Variants in BLOC1S5 observed in about 807,000 individuals in gnomAD.
BLOC1S5 encodes biogenesis of lysosome-related organelles complex 1 subunit 5.
Under a neutral mutation model 24.3 loss-of-function variants are expected in BLOC1S5, and 27 were observed. The ratio of observed to expected loss-of-function variants is 1.11; its 90% CI spans 0.82 to 1.53. The LOEUF (loss-of-function observed/expected upper bound fraction) is 1.53, where lower values mean the gene tolerates loss of function less well. BLOC1S5 is among the 40% of genes most tolerant of loss of function. The pLI, the probability that BLOC1S5 is intolerant of heterozygous loss-of-function variation, is 0.00. For missense variants in BLOC1S5, 239 were observed against 229.4 expected (o/e 1.04, Z -0.27); for synonymous variants, 84 against 74.5 (o/e 1.13, Z -0.66).
intron 2 of BLOC1S5, among the ~76,000 whole-genome samples, chr6:8,050,654 G>C (rs2113587087): frequency 6.6e-6 from 1 of 151,046 alleles, no homozygotes. Flanking sequence ...CCAGGATGGA[G>C]TGCGGCGGTG....
chr6:8,032,469 A>G (rs1402661589), intron 3 of BLOC1S5, among the ~76,000 whole-genome samples: 1 of 152,170 alleles, frequency 6.6e-6, no homozygotes, highest in East Asian at 1.9e-4. Flanking sequence ...AATTGATGGA[A>G]TGTATCTCAA....
intron 4 of BLOC1S5, among the ~76,000 whole-genome samples, chr6:8,024,717 TAAAC>T (rs891054889): frequency 1.2e-4 from 18 of 152,092 alleles, no homozygotes; most frequent in African/African-American, 1.9e-4. Flanking sequence ...GCTCGCATCT[TAAAC>T]AAACAGTGAG....
At chr6:8,021,810 C>T (rs924622971) in intron 4 of BLOC1S5, among the ~76,000 whole-genome samples, 2 of 152,100 alleles carry the variant, frequency 1.3e-5, no homozygotes, top group African/African-American at 4.8e-5. Flanking sequence ...ATCAATTGCA[C>T]TCTTCAAGAT....
At chr6:8,040,593 C>T (rs1454189582) in intron 3 of BLOC1S5, among the ~76,000 whole-genome samples, 1 of 152,226 alleles carries the variant, frequency 6.6e-6, no homozygotes, top group Non-Finnish European at 1.5e-5. Context: ...GGCACAGTGG[C>T]TCACGCCTGT....
chr6:8,020,570 G>A (rs1433332289), intron 4 of BLOC1S5, among the ~76,000 whole-genome samples: 1 of 152,178 alleles, frequency 6.6e-6, no homozygotes, highest in Non-Finnish European at 1.5e-5. Context: ...AAGGGACTAT[G>A]TCACTCAACT....
chr6:8,044,218 G>C (rs933385335), intron 2 of BLOC1S5, among the ~76,000 whole-genome samples: 1 of 149,878 alleles, frequency 6.7e-6, no homozygotes, highest in African/African-American at 2.5e-5. Context: ...TGGGAGGTGG[G>C]GGTTACAGTG....
chr6:8,032,639 C>A (rs143027119), intron 3 of BLOC1S5, among the ~76,000 whole-genome samples: 2 of 151,952 alleles, frequency 1.3e-5, no homozygotes, highest in Admixed American at 6.6e-5. Context: ...CAATCAGGCA[C>A]GAGAAAGAAA....
intron 2 of BLOC1S5, among the ~76,000 whole-genome samples, chr6:8,048,745 G>A (rs1763991474): frequency 1.3e-5 from 2 of 152,320 alleles, no homozygotes; most frequent in African/African-American, 4.8e-5. Context: ...GGGCACGGTG[G>A]CTCACGCCTG....
chr6:8,053,701 C>A (rs1050481618), intron 2 of BLOC1S5, among the ~76,000 whole-genome samples: 2 of 152,068 alleles, frequency 1.3e-5, no homozygotes, highest in African/African-American at 4.8e-5. Flanking sequence ...CTGAAATATA[C>A]CAATATATTG....
At chr6:8,049,185 A>G (rs189992468) in intron 2 of BLOC1S5, among the ~76,000 whole-genome samples, 3,710 of 152,080 alleles carry the variant, frequency 0.024, 156 homozygotes, top group African/African-American at 0.083. Context: ...AGCCTGGCCA[A>G]CATGGTGAAA....
intron 3 of BLOC1S5, among the ~76,000 whole-genome samples, chr6:8,037,566 A>G (rs912324386): frequency 4.6e-5 from 7 of 152,226 alleles, no homozygotes; most frequent in African/African-American, 1.4e-4. Flanking sequence ...TACAGGCTCA[A>G]TGCAATCCCT....
intron 4 of BLOC1S5, among the ~76,000 whole-genome samples, chr6:8,024,452 C>T (rs753018162): frequency 2.3e-5 from 3 of 133,178 alleles, no homozygotes; most frequent in Non-Finnish European, 4.6e-5. Context: ...TGGGAGGCAG[C>T]GATTGCAGTG....
chr6:8,058,445 A>G (rs972032989), intron 2 of BLOC1S5, among the ~76,000 whole-genome samples: 4 of 151,204 alleles, frequency 2.6e-5, no homozygotes, highest in Non-Finnish European at 4.4e-5. Context: ...AGTGGAAACT[A>G]TTTCATTCCT....
At chr6:8,026,470 A>G (rs1304802325) in intron 3 of BLOC1S5, 45 bp from the exon 4 acceptor site, 3 of 1,469,028 alleles carry the variant, frequency 2.0e-6, no homozygotes, top group Non-Finnish European at 2.9e-6. Context: ...GACCATGTTC[A>G]AGGAAACACA....
intron 2 of BLOC1S5, among the ~76,000 whole-genome samples, chr6:8,043,798 C>A (rs774982499): frequency 7.9e-5 from 12 of 152,088 alleles, no homozygotes; most frequent in Non-Finnish European, 8.8e-5. Context: ...GTGTCCCCAC[C>A]CAAGTCTCAA....
Position 8,015,535 on chromosome 6 carries a change from G to A in BLOC1S5, c.*114C>T. ...AACTTCTTTCTTCTGATATAAGAGTGCCACTGAATATATTGCTAAGCTTGA... is the reference window on the plus strand; with the variant it reads ...AACTTCTTTCTTCTGATATAAGAGTACCACTGAATATATTGCTAAGCTTGA... On this transcript the variant is annotated 3_prime_UTR_variant, in exon 5 of 5. Coordinates refer to ENST00000397457, the MANE Select transcript of BLOC1S5 (RefSeq NM_201280.3). 1 of 1,025,940 alleles carries A rather than the reference G, an allele frequency of 9.7e-7. No individual in the cohort carries two copies. Among genetic ancestry groups the A allele is most frequent in the Non-Finnish European group, 1.4e-6 (1 of 715,604 alleles). 63.6% of individuals were successfully genotyped at this position (1,025,940 alleles called of 1,614,324 possible). A position where few individuals can be genotyped will look rare whatever the true frequency, so the allele number is the denominator to read the frequency against.
chr6:8,015,477 C>G lies in BLOC1S5; in HGVS notation c.*172G>C. ...CTTAAAGCTGGAAAAATGTGGCACC[C>G]TTCTTTAAATATCCAATCAGAATGC... On this transcript the variant is annotated 3_prime_UTR_variant, in exon 5 of 5. Transcript: ENST00000397457. 3.2e-6 allele frequency: 2 copies of G among 623,458 alleles called. No individual in the cohort carries two copies. Among genetic ancestry groups the G allele is most frequent in the South Asian group, 5.8e-5 (2 of 34,330 alleles). The allele number at this position is 623,458 out of a possible 1,614,324, so 38.6% of individuals were successfully genotyped here. A position where few individuals can be genotyped will look rare whatever the true frequency, so the allele number is the denominator to read the frequency against.
intron 3 of BLOC1S5, among the ~76,000 whole-genome samples, chr6:8,031,427 G>A (rs1036759123): frequency 2.6e-5 from 4 of 152,122 alleles, no homozygotes; most frequent in African/African-American, 7.2e-5. Context: ...GGAGGTGAAA[G>A]ACCTCTACAA....
intron 4 of BLOC1S5, 127 bp downstream of exon 4, chr6:8,026,236 CAATG>C: frequency 3.0e-6 from 2 of 673,650 alleles, no homozygotes; most frequent in Non-Finnish European, 5.1e-6. Flanking sequence ...AACACATCTT[CAATG>C]AATCAGCCAT....
Sources: allele counts gnomAD v4.1 joint callset (sites outside exome capture counted in the v4.1 genomes callset), GRCh38; gene constraint gnomAD v4.1.1; transcripts MANE v1.5; gene names NCBI Gene and HGNC (gene_info 2026-07-23, HGNC 2026-07-21).